The following PSEN2 variants were observed in gnomAD, a reference collection of about 807,000 sequenced individuals.
PSEN2 encodes presenilin 2, also known as presenilin-2.
A neutral mutation model predicts 49.1 loss-of-function variants in PSEN2; 32 were observed. The ratio of observed to expected loss-of-function variants is 0.65; its 90% CI spans 0.49 to 0.88. The LOEUF (loss-of-function observed/expected upper bound fraction) is 0.88, where lower values mean the gene tolerates loss of function less well. PSEN2 is among the 40% of genes least tolerant of loss of function. The pLI, the probability that PSEN2 is intolerant of heterozygous loss-of-function variation, is 0.00. For synonymous variants in PSEN2, 255 were observed against 244.0 expected (o/e 1.05, Z -0.42); for missense variants, 522 against 586.9 (o/e 0.89, Z 1.14).
At position 226,883,253 on chromosome 1, in the gene PSEN2, T is replaced by C. The variant is rs77015702; in HGVS notation, c.142-452T>C. ...AATTTCTTCCTCTGCAAATTCCCAG[T>C]ATCTTAGTCACACGCAAAGAGAGTG... On this transcript the variant is annotated intron_variant, in intron 4 of 12. Transcript: ENST00000366783. Among the ~76,000 whole-genome samples, 1,232 of 152,296 alleles carry C rather than the reference T, an allele frequency of 8.1e-3. 19 individuals are homozygous for C. The highest frequency in any genetic ancestry group is 0.028 in the African/African-American group (1,183 of 41,544).
chr1:226,883,569 A>G lies in PSEN2; in HGVS notation c.142-136A>G, dbSNP rs1231868258. On this transcript the variant is annotated intron_variant, in intron 4 of 12. Transcript: ENST00000366783. ...TCCTCACAAACTTTTCATATGCCCT[A>G]GTAGCTCATAGACTGCTCCTTATAT... The G allele has an allele frequency of 7.5e-6, 6 of 803,516 alleles. No individual in the cohort carries two copies. In the East Asian group the frequency reaches 1.3e-4, roughly 18 times the overall value. 49.8% of individuals were successfully genotyped at this position (803,516 alleles called of 1,614,324 possible).
At chr1:226,902,858 T>C (rs1167707203) in intron 12 of PSEN2, among the ~76,000 whole-genome samples, 3 of 152,086 alleles carry the variant, frequency 2.0e-5, no homozygotes, top group Non-Finnish European at 4.4e-5. Flanking sequence ...GAGACCCCAA[T>C]TGGCCACCCA....
chr1:226,886,040 A>C (rs2236912), intron 6 of PSEN2, among the ~76,000 whole-genome samples: 1 of 146,496 alleles, frequency 6.8e-6, no homozygotes, highest in Admixed American at 6.8e-5. Flanking sequence ...TAATTAAAAA[A>C]TTTTTTTTTG....
downstream of PSEN2, among the ~76,000 whole-genome samples, chr1:226,896,679 T>C (rs1662161732): frequency 1.3e-5 from 2 of 151,940 alleles, no homozygotes; most frequent in African/African-American, 2.4e-5. Flanking sequence ...CGGGGCAACA[T>C]AGTGAGACTT....
intron 12 of PSEN2, among the ~76,000 whole-genome samples, chr1:226,902,027 G>A (rs549728516): frequency 6.6e-6 from 1 of 152,268 alleles, no homozygotes; most frequent in Admixed American, 6.5e-5. Context: ...TCCATGGAGA[G>A]AGGAGGATGT....
Position 226,882,026 on chromosome 1 carries a change from A to G in PSEN2, c.119A>G (p.Asp40Gly). The change falls in exon 4 of 13, where the codon GAT (aspartate) becomes GGT (glycine). Residue 40 changes from aspartate to glycine, a missense_variant. By Grantham distance (94) the Asp-to-Gly change is moderately conservative. Coordinates refer to ENST00000366783, the MANE Select transcript of PSEN2 (RefSeq NM_000447.3). ...CAGGAGGGCAGGCAGGGCCCAGAGG[A>G]TGGAGAGAACACTGCCCAGTGGGTA... The part of the protein sequence containing the change: ...SCQEGRQGPE[D>G]GENTAQWRSQ... 6.2e-7 allele frequency: 1 copy of G among 1,614,098 alleles called. No homozygotes were observed. The highest frequency in any genetic ancestry group is 8.5e-7 in the Non-Finnish European group (1 of 1,180,046).
chr1:226,883,933 C>A lies in PSEN2; in HGVS notation c.356+14C>A. On this transcript the variant is annotated intron_variant, in intron 5 of 12. Transcript: ENST00000366783. The stretch of plus-strand genomic sequence containing the variant: ...GAATGGACAGCTGTGAGTTGGGGGG[C>A]TGGGGGGAGCAGGGTGGGGTGAGGG... 3 of 539,088 alleles carry A rather than the reference C, an allele frequency of 5.6e-6. No individual in the cohort carries two copies. The highest frequency in any genetic ancestry group is 4.2e-5 in the African/African-American group (1 of 24,086). The allele number at this position is 539,088 out of a possible 1,614,324, so 33.4% of individuals were successfully genotyped here.
chr1:226,878,668 C>A (rs1016113800), intron 3 of PSEN2, among the ~76,000 whole-genome samples: 1 of 152,134 alleles, frequency 6.6e-6, no homozygotes, highest in African/African-American at 2.4e-5. Context: ...ACTGCTCCTC[C>A]AGTCATAGCA....
Position 226,888,143 on chromosome 1 carries a change from C to G in PSEN2, c.551C>G (p.Thr184Ser). 1 of 1,613,114 alleles carries G rather than the reference C, an allele frequency of 6.2e-7. No individual in the cohort carries two copies. The highest frequency in any genetic ancestry group is 8.5e-7 in the Non-Finnish European group (1 of 1,179,090). Residue 184 changes from threonine (T) to serine (S), a missense_variant, in exon 7 of 13, where the codon ACC (threonine) becomes AGC (serine). Transcript: ENST00000366783. ...MSSLMLLFLF[T>S]YIYLGEVLKT... ...TCACTGATGCTGCTGTTCCTCTTCA[C>G]CTATATCTACCTTGGGTAAGTGACA...
At chr1:226,882,154 A>G in intron 4 of PSEN2, 106 bp downstream of exon 4, 1 of 1,468,624 alleles carries the variant, frequency 6.8e-7, no homozygotes, top group South Asian at 1.3e-5. Flanking sequence ...GGAGAAGGGA[A>G]GTAATGATGA....
At chr1:226,888,036 T>C in intron 6 of PSEN2, 55 bp from the exon 7 acceptor site, 2 of 1,451,502 alleles carry the variant, frequency 1.4e-6, no homozygotes, top group Non-Finnish European at 1.9e-6. Flanking sequence ...CCTGGGGGCC[T>C]TAGAATTTGT....
At chr1:226,887,186 A>G (rs1212787102) in intron 6 of PSEN2, among the ~76,000 whole-genome samples, 1 of 152,140 alleles carries the variant, frequency 6.6e-6, no homozygotes, top group African/African-American at 2.4e-5. Flanking sequence ...CCATCTGTCT[A>G]GTAGGGCTTC....
At chr1:226,871,852 C>T (rs563081961) in intron 2 of PSEN2, among the ~76,000 whole-genome samples, 3 of 152,354 alleles carry the variant, frequency 2.0e-5, no homozygotes, top group African/African-American at 7.2e-5. Context: ...CGGTGACTGG[C>T]GCAGGTGCAG....
intron 5 of PSEN2, chr1:226,884,498 C>T (rs1661218158): frequency 6.5e-6 from 1 of 152,676 alleles, no homozygotes; most frequent in Admixed American, 6.5e-5. Flanking sequence ...TCTTCCCCCT[C>T]CCCTTTCTGT....
intron 3 of PSEN2, among the ~76,000 whole-genome samples, chr1:226,876,706 A>G (rs566676288): frequency 4.2e-4 from 64 of 152,360 alleles, no homozygotes; most frequent in Non-Finnish European, 7.6e-4. Flanking sequence ...GTTAAATTTA[A>G]CAGCGTGTCA....
Position 226,888,071 on chromosome 1 carries a change from G to C in PSEN2, c.499-20G>C. 6.2e-7 allele frequency: 1 copy of C among 1,606,718 alleles called. No individual in the cohort carries two copies. Among genetic ancestry groups the C allele is most frequent in the Non-Finnish European group, 8.5e-7 (1 of 1,173,320 alleles). On this transcript the variant is annotated intron_variant, in intron 6 of 12. Coordinates refer to ENST00000366783, the MANE Select transcript of PSEN2 (RefSeq NM_000447.3). The stretch of plus-strand genomic sequence containing the variant: ...TGGCGCTTGGGGACACCTTGTGATC[G>C]TGCAATTTCTGTTGTCTAGTTCATC...
intron 6 of PSEN2, among the ~76,000 whole-genome samples, chr1:226,887,631 C>G (rs778787799): frequency 3.3e-5 from 5 of 152,180 alleles, no homozygotes; most frequent in Non-Finnish European, 5.9e-5. Context: ...TCTCCTATCA[C>G]TGTATCCTAA....
intron 11 of PSEN2, among the ~76,000 whole-genome samples, chr1:226,892,465 C>T (rs743601): frequency 0.76 from 115,317 of 152,066 alleles, 43,890 homozygotes; most frequent in Middle Eastern, 0.79. Flanking sequence ...GCCTGCCTAA[C>T]ACCCAATGCC....
At chr1:226,873,659 G>T (rs1020144221) in intron 2 of PSEN2, among the ~76,000 whole-genome samples, 2 of 152,064 alleles carry the variant, frequency 1.3e-5, no homozygotes, top group South Asian at 4.1e-4. Flanking sequence ...CAGGTGATCC[G>T]CCAACCTTGG....
Sources: allele counts gnomAD v4.1 joint callset (sites outside exome capture counted in the v4.1 genomes callset), GRCh38; gene constraint gnomAD v4.1.1; transcripts MANE v1.5; gene names NCBI Gene and HGNC (gene_info 2026-07-23, HGNC 2026-07-21).